ANKRD28: variants seen among roughly 807,000 people sequenced by gnomAD.
The protein encoded by ANKRD28 is ankyrin repeat domain 28.
A neutral mutation model predicts 126.5 loss-of-function variants in ANKRD28; 44 were observed. The observed-to-expected ratio is 0.35, with a 90% CI of 0.27 to 0.45. ANKRD28 has a LOEUF of 0.45. Among genes scored for constraint, ANKRD28 ranks in the 20% least tolerant of loss-of-function variants. The pLI is 1.00. For missense variants in ANKRD28, 1,110 were observed against 1,316.6 expected (o/e 0.84, Z 2.43); for synonymous variants, 442 against 468.5 (o/e 0.94, Z 0.73).
At chr3:15,735,535 A>C in intron 5 of ANKRD28, 38 bp from the exon 6 acceptor site, 2 of 1,423,152 alleles carry the variant, frequency 1.4e-6, no homozygotes, top group Non-Finnish European at 1.9e-6. Context: ...CAAAATTGTG[A>C]AGCACAATTG....
chr3:15,827,637 T>C (rs2061096457), intron 1 of ANKRD28, among the ~76,000 whole-genome samples: 1 of 152,170 alleles, frequency 6.6e-6, no homozygotes, highest in African/African-American at 2.4e-5. Context: ...TGTAAAACTC[T>C]TAGAAGAAAA....
At chr3:15,801,418 A>T (rs1222466555), upstream of ANKRD28, among the ~76,000 whole-genome samples, 2 of 152,188 alleles carry the variant, frequency 1.3e-5, no homozygotes, top group Non-Finnish European at 2.9e-5. The surrounding 1 kb of genome is among the most constrained non-coding windows in gnomAD (Gnocchi z 4.9). Context: ...GTATTATCAT[A>T]GAATAGAATA....
chr3:15,755,911 C>T (rs1415169870), intron 3 of ANKRD28, among the ~76,000 whole-genome samples: 4 of 152,144 alleles, frequency 2.6e-5, no homozygotes, highest in South Asian at 4.2e-4. Flanking sequence ...GCCTGTGGTG[C>T]GAAAAAGCAC....
At chr3:15,693,108 C>CCCATTAA (rs1202697072) in intron 17 of ANKRD28, among the ~76,000 whole-genome samples, 3 of 152,038 alleles carry the variant, frequency 2.0e-5, no homozygotes, top group Non-Finnish European at 4.4e-5. Context: ...AAAGGAGAAA[C>CCCATTAA]AGGGAGATGT....
At chr3:15,764,541 GAA>G (rs34328290) in intron 3 of ANKRD28, among the ~76,000 whole-genome samples, 5 of 144,044 alleles carry the variant, frequency 3.5e-5, no homozygotes, top group African/African-American at 5.2e-5. Flanking sequence ...AATAAAAAAT[GAA>G]AAAAAAAAAC....
chr3:15,786,363 CA>C (rs941599312), intron 2 of ANKRD28, among the ~76,000 whole-genome samples: 8 of 149,862 alleles, frequency 5.3e-5, no homozygotes, highest in South Asian at 2.1e-4. Context: ...AAATCTATTA[CA>C]AAAAAAAAGC....
At chr3:15,768,861 C>T (rs1040280764) in intron 2 of ANKRD28, among the ~76,000 whole-genome samples, 2 of 152,074 alleles carry the variant, frequency 1.3e-5, no homozygotes, top group Non-Finnish European at 2.9e-5. Context: ...TAGCACAAGA[C>T]CTTGTTTTTT....
rs375387845 is a variant in ANKRD28 at position 15,733,244 on chromosome 3, T to C, written c.640+2166A>G. 13 of 152,382 alleles carry C rather than the reference T, an allele frequency of 8.5e-5. No homozygotes were observed. In the East Asian group the frequency reaches 1.9e-3, roughly 23 times the overall value. 9.4% of individuals were successfully genotyped at this position (152,382 alleles called of 1,614,324 possible). A position where few individuals can be genotyped will look rare whatever the true frequency, so the allele number is the denominator to read the frequency against. On this transcript the variant is annotated intron_variant, in intron 6 of 27. Transcript: ENST00000683139. ...GATTACTTCAGGTTCTTGCTCACCA[T>C]GGACCTCTGAAATACTCTTACGAAC...
intron 1 of ANKRD28, among the ~76,000 whole-genome samples, chr3:15,825,240 T>C (rs1161382422): frequency 6.6e-6 from 1 of 152,202 alleles, no homozygotes; most frequent in East Asian, 1.9e-4. Context: ...TGATGGCAAC[T>C]GGGAGTAAAT....
chr3:15,698,566 G>A (rs140064600), intron 14 of ANKRD28, among the ~76,000 whole-genome samples: 2,783 of 152,160 alleles, frequency 0.018, 201 homozygotes, highest in Admixed American at 0.11. Context: ...ATCAATGTGC[G>A]AAAATCACAA....
chr3:15,813,415 C>T (rs951775056), intron 1 of ANKRD28, among the ~76,000 whole-genome samples: 3 of 152,024 alleles, frequency 2.0e-5, no homozygotes, highest in Non-Finnish European at 4.4e-5. Context: ...AAACCAAAAA[C>T]AAATTATTAC....
Position 15,797,558 on chromosome 3 carries a change from T to TA in ANKRD28, c.-1038dup, listed in dbSNP as rs545968418. ...ACTGCTTCAGGCTTTTTGTTTTCTTTAAAAAAAAAAAGGGGGGGGAAAAAC... is the reference window on the plus strand; with the variant it reads ...ACTGCTTCAGGCTTTTTGTTTTCTTTAAAAAAAAAAAAGGGGGGGGAAAAAC... On this transcript the variant is annotated 5_prime_UTR_variant, in exon 1 of 28. The change abolishes the stop of an existing upstream ORF in the 5' untranslated region. Coordinates refer to ENST00000683139, the MANE Select transcript of ANKRD28 (RefSeq NM_001349278.2). 0.021 allele frequency: 13,955 copies of TA among 665,030 alleles called. 131 individuals are homozygous for TA. The highest frequency in any genetic ancestry group is 0.084 in the African/African-American group (4,194 of 49,990). The allele number at this position is 665,030 out of a possible 1,614,324, so 41.2% of individuals were successfully genotyped here.
intron 4 of ANKRD28, among the ~76,000 whole-genome samples, chr3:15,748,155 T>C (rs2057606811): frequency 6.6e-6 from 1 of 152,222 alleles, no homozygotes; most frequent in Non-Finnish European, 1.5e-5. Context: ...TTCCATTCTG[T>C]ATCCTTTAAG....
intron 1 of ANKRD28, among the ~76,000 whole-genome samples, chr3:15,803,048 T>C (rs1277028469): frequency 1.3e-5 from 2 of 152,186 alleles, no homozygotes; most frequent in African/African-American, 2.4e-5. Context: ...CAATATCACA[T>C]GCAGTTGGAG....
chr3:15,757,184 A>G (rs576799156), intron 3 of ANKRD28, among the ~76,000 whole-genome samples: 3 of 152,350 alleles, frequency 2.0e-5, no homozygotes, highest in Admixed American at 1.3e-4. Flanking sequence ...TATAATACAT[A>G]TAACATGTAA....
intron 1 of ANKRD28, among the ~76,000 whole-genome samples, chr3:15,844,553 G>T (rs902909509): frequency 6.6e-6 from 1 of 152,162 alleles, no homozygotes; most frequent in Non-Finnish European, 1.5e-5. Flanking sequence ...AATGGATCTG[G>T]AAGGCTTATA....
intron 3 of ANKRD28, among the ~76,000 whole-genome samples, chr3:15,762,625 A>G (rs1188259852): frequency 6.6e-6 from 1 of 152,154 alleles, no homozygotes; most frequent in East Asian, 1.9e-4. Context: ...TCAGAACGTA[A>G]TAACTGGACT....
At chr3:15,847,510 T>C (rs1240371000) in intron 1 of ANKRD28, among the ~76,000 whole-genome samples, 1 of 152,170 alleles carries the variant, frequency 6.6e-6, no homozygotes, top group Non-Finnish European at 1.5e-5. Flanking sequence ...ACAACACTTC[T>C]CCATTTAGAT....
Position 15,817,157 on chromosome 3 carries a change from G to T in ANKRD28, c.28-21851C>A, listed in dbSNP as rs1415866457. On this transcript the variant is annotated intron_variant, in intron 1 of 27. Transcript: ENST00000399451. This position sits in a 1 kb window ranked among gnomAD's most constrained non-coding sequence, Gnocchi z 4.5. ...GGGCTGTGTCTCACTCATTTCATCA[G>T]TATGTCCACTCTACGATTTTCCTTA... Among the ~76,000 whole-genome samples the T allele has an allele frequency of 6.6e-6, 1 of 152,178 alleles. No individual in the cohort carries two copies. Among genetic ancestry groups the T allele is most frequent in the East Asian group, 1.9e-4 (1 of 5,204 alleles).
Sources: allele counts gnomAD v4.1 joint callset (sites outside exome capture counted in the v4.1 genomes callset), GRCh38; gene constraint gnomAD v4.1.1; non-coding constraint Gnocchi (gnomAD v3.1); transcripts MANE v1.5; gene names NCBI Gene and HGNC (gene_info 2026-07-23, HGNC 2026-07-21).